KCNH8: variants seen among roughly 807,000 people sequenced by gnomAD.
KCNH8 encodes potassium voltage-gated channel subfamily H member 8.
Under a neutral mutation model 103.6 loss-of-function variants are expected in KCNH8, and 70 were observed. The ratio of observed to expected loss-of-function variants is 0.68; its 90% confidence interval spans 0.56 to 0.82. The LOEUF is 0.82. KCNH8 is among the 40% of genes least tolerant of loss of function. The pLI, the probability that KCNH8 is intolerant of heterozygous loss-of-function variation, is 0.00. For missense variants in KCNH8, 1,217 were observed against 1,329.9 expected (o/e 0.92, Z 1.32); for synonymous variants, 498 against 489.4 (o/e 1.02, Z -0.23).
intron 7 of KCNH8, among the ~76,000 whole-genome samples, chr3:19,409,059 A>G (rs560726342): frequency 6.6e-6 from 1 of 152,140 alleles, no homozygotes; most frequent in African/African-American, 2.4e-5. Context: ...TCACCAAGAC[A>G]TATAACCACT....
chr3:19,513,107 CAAG>C lies in KCNH8; in HGVS notation c.2221_2223del (p.Lys741del), dbSNP rs752594146. On this transcript the variant is annotated inframe_deletion, in exon 13 of 16. Coordinates refer to ENST00000328405, the MANE Select transcript of KCNH8 (RefSeq NM_144633.3). ...GCACAAGGGGATCTTCTTCGCGCAA[CAAG>C]AAGGTTGGAAGCAATAAAGCCTACC... 12 of 1,613,876 alleles carry C rather than the reference CAAG, an allele frequency of 7.4e-6. No homozygotes were observed. Among genetic ancestry groups the C allele is most frequent in the Admixed American group, 3.3e-5 (2 of 59,916 alleles).
chr3:19,286,858 G>A lies in KCNH8; in HGVS notation c.442+5529G>A, dbSNP rs555972717. 2.6e-4 allele frequency among the ~76,000 whole-genome samples: 39 copies of A among 152,214 alleles called. No individual in the cohort carries two copies. The Middle Eastern group carries it at 0.01, about 40-fold the overall frequency. Reference sequence around the variant, plus strand: ...GGTTGAATCCGTGGATGTGGAACCCGCAGATACAGAAGGCTGACTGCATTT... The same window carrying A: ...GGTTGAATCCGTGGATGTGGAACCCACAGATACAGAAGGCTGACTGCATTT... On this transcript the variant is annotated intron_variant, in intron 3 of 15. Transcript: ENST00000328405.
intron 2 of KCNH8, among the ~76,000 whole-genome samples, chr3:19,259,368 G>A (rs1159098294): frequency 2.0e-5 from 3 of 151,676 alleles, no homozygotes; most frequent in Non-Finnish European, 4.4e-5. Context: ...AATTAGAAAA[G>A]TAAAAAGTAT....
At chr3:19,444,570 TAGG>T (rs2067334640) in intron 8 of KCNH8, among the ~76,000 whole-genome samples, 1 of 151,814 alleles carries the variant, frequency 6.6e-6, no homozygotes, top group African/African-American at 2.4e-5. Flanking sequence ...AGCTACAGGA[TAGG>T]AGAAGATATT....
chr3:19,466,345 T>C (rs1422030048), intron 11 of KCNH8, among the ~76,000 whole-genome samples: 3 of 152,150 alleles, frequency 2.0e-5, no homozygotes, highest in Non-Finnish European at 4.4e-5. Flanking sequence ...ATGAACTTAG[T>C]TTATAAAGCA....
chr3:19,466,364 G>A (rs1156379192), intron 11 of KCNH8, among the ~76,000 whole-genome samples: 1 of 152,170 alleles, frequency 6.6e-6, no homozygotes, highest in East Asian at 1.9e-4. Context: ...CAGTGGCAGG[G>A]TTTGAAAGGC....
At chr3:19,480,516 T>C (rs1339014879) in intron 11 of KCNH8, among the ~76,000 whole-genome samples, 1 of 152,194 alleles carries the variant, frequency 6.6e-6, no homozygotes, top group Non-Finnish European at 1.5e-5. Flanking sequence ...CATTGAGGAA[T>C]TTAAGAATTT....
At chr3:19,371,799 G>C (rs996692310) in intron 5 of KCNH8, among the ~76,000 whole-genome samples, 1 of 151,318 alleles carries the variant, frequency 6.6e-6, no homozygotes, top group Non-Finnish European at 1.5e-5. Flanking sequence ...TAAGATGTAA[G>C]GAAGGGATCC....
chr3:19,528,610 G>GTA (rs1205560554), intron 15 of KCNH8, among the ~76,000 whole-genome samples: 2 of 152,032 alleles, frequency 1.3e-5, no homozygotes, highest in South Asian at 2.1e-4. Context: ...CCTACTTTTA[G>GTA]TATATATACT....
At chr3:19,337,741 G>T (rs2065603070) in intron 3 of KCNH8, among the ~76,000 whole-genome samples, 1 of 152,006 alleles carries the variant, frequency 6.6e-6, no homozygotes, top group Admixed American at 6.6e-5. Flanking sequence ...TGTTTTTACT[G>T]ATCTACTAAA....
At chr3:19,495,036 T>A (rs1039626080) in intron 11 of KCNH8, among the ~76,000 whole-genome samples, 1 of 152,154 alleles carries the variant, frequency 6.6e-6, no homozygotes, top group Non-Finnish European at 1.5e-5. Flanking sequence ...GCCCACTTTT[T>A]TATGGGGTTG....
At chr3:19,359,147 T>A (rs1409214616) in intron 5 of KCNH8, among the ~76,000 whole-genome samples, 2 of 149,348 alleles carry the variant, frequency 1.3e-5, no homozygotes, top group African/African-American at 4.8e-5. Flanking sequence ...TAGAATTAAA[T>A]CTAATACAAA....
intron 11 of KCNH8, among the ~76,000 whole-genome samples, chr3:19,489,204 T>C (rs958977607): frequency 1.3e-5 from 2 of 152,080 alleles, no homozygotes; most frequent in Non-Finnish European, 2.9e-5. Flanking sequence ...GTGCTGTGGG[T>C]TCTGGAGTGG....
intron 2 of KCNH8, among the ~76,000 whole-genome samples, chr3:19,258,439 C>T (rs772481594): frequency 2.5e-4 from 38 of 151,848 alleles, no homozygotes; most frequent in Non-Finnish European, 4.9e-4. Context: ...GGGCAAGAGT[C>T]AGAGTTGCTA....
chr3:19,490,846 C>G (rs942183771), intron 11 of KCNH8, among the ~76,000 whole-genome samples: 2 of 152,144 alleles, frequency 1.3e-5, no homozygotes, highest in Non-Finnish European at 2.9e-5. Context: ...CCATCCACCA[C>G]CAGCTATAAG....
intron 15 of KCNH8, among the ~76,000 whole-genome samples, chr3:19,532,855 T>C (rs537500781): frequency 1.3e-5 from 2 of 152,316 alleles, no homozygotes; most frequent in Admixed American, 6.5e-5. Context: ...TTCAAATGCT[T>C]AACCTACCCA....
chr3:19,365,612 G>T lies in KCNH8; in HGVS notation c.811+17647G>T, dbSNP rs928163449. Among the ~76,000 whole-genome samples, 4 of 152,076 alleles carry T rather than the reference G, an allele frequency of 2.6e-5. No individual in the cohort carries two copies. In the South Asian group the frequency reaches 6.2e-4, roughly 24 times the overall value. The stretch of plus-strand genomic sequence containing the variant: ...ATTTATTTACTAACTAAGCAAATAC[G>T]TACTGAGTGCCTATCATTTGCCATG... On this transcript the variant is annotated intron_variant, in intron 5 of 15. Coordinates refer to ENST00000328405, the MANE Select transcript of KCNH8 (RefSeq NM_144633.3).
At chr3:19,525,563 G>T (rs1419652055) in intron 15 of KCNH8, among the ~76,000 whole-genome samples, 1 of 151,892 alleles carries the variant, frequency 6.6e-6, no homozygotes, top group Non-Finnish European at 1.5e-5. Flanking sequence ...CAGTCAAAGG[G>T]TTGATAAATA....
chr3:19,531,168 CA>C (rs1219318136), intron 15 of KCNH8, among the ~76,000 whole-genome samples: 1 of 152,196 alleles, frequency 6.6e-6, no homozygotes, highest in Non-Finnish European at 1.5e-5. Flanking sequence ...TAGTGAGTTT[CA>C]TACAGGAATT....
Sources: allele counts gnomAD v4.1 joint callset (sites outside exome capture counted in the v4.1 genomes callset), GRCh38; gene constraint gnomAD v4.1.1; transcripts MANE v1.5; gene names NCBI Gene and HGNC (gene_info 2026-07-23, HGNC 2026-07-21).